MYO1E: variants seen among roughly 807,000 people sequenced by gnomAD.
MYO1E encodes the protein unconventional myosin-Ie.
MYO1E carries 68 observed loss-of-function variants against 151.1 expected under a neutral mutation model. That is an observed-to-expected ratio of 0.45 (90% CI 0.37 to 0.55). The LOEUF is 0.55. Ranked by LOEUF, MYO1E falls within the 20% of genes least tolerant of loss-of-function variation. MYO1E has a pLI of 0.00. For missense variants in MYO1E, 1,363 were observed against 1,389.3 expected (o/e 0.98, Z 0.30); for synonymous variants, 601 against 501.7 (o/e 1.20, Z -2.64).
chr15:59,363,487 G>A (rs1266938446), intron 1 of MYO1E, among the ~76,000 whole-genome samples: 1 of 152,180 alleles, frequency 6.6e-6, no homozygotes, highest in African/African-American at 2.4e-5. Context: ...TCAGGAGTAT[G>A]TGAAATAATG....
rs2079610905 is a variant in MYO1E at position 59,174,139 on chromosome 15, T to G, written c.2151A>C (p.Gln717His). Residue 717 changes from glutamine (Q) to histidine (H), a missense_variant, in exon 20 of 28, where the codon CAA becomes CAC. Gln to His is a conservative substitution (Grantham distance 24). Coordinates refer to ENST00000288235, the MANE Select transcript of MYO1E (RefSeq NM_004998.4). The part of the protein sequence containing the change: ...RKFVARKKYV[Q>H]MREEASDLLL... ...TTGCTAAAATACCTTCTTCTCTCATTTGAACGTATTTCTTCCGGGCCACGA... is the reference window on the plus strand; with the variant it reads ...TTGCTAAAATACCTTCTTCTCTCATGTGAACGTATTTCTTCCGGGCCACGA... 6.2e-7 allele frequency: 1 copy of G among 1,612,956 alleles called. No individual in the cohort carries two copies. Among genetic ancestry groups the G allele is most frequent in the African/African-American group, 1.3e-5 (1 of 75,044 alleles).
chr15:59,250,044 G>A lies in MYO1E; in HGVS notation c.332+6240C>T, dbSNP rs528822154. ...TGAGCATGAACCACGGCATGCCAGA[G>A]GTTTCCAATTTGCTTTCTCAAAGCA... On this transcript the variant is annotated intron_variant, in intron 4 of 27. Transcript: ENST00000288235. 2.6e-5 allele frequency among the ~76,000 whole-genome samples: 4 copies of A among 152,320 alleles called. No homozygotes were observed. In the East Asian group the frequency reaches 7.7e-4, roughly 29 times the overall value.
intron 1 of MYO1E, among the ~76,000 whole-genome samples, chr15:59,335,096 C>A (rs969065106): frequency 6.6e-6 from 1 of 152,114 alleles, no homozygotes; most frequent in Non-Finnish European, 1.5e-5. Context: ...TGGGTCAAAC[C>A]GTGAAAGAGA....
chr15:59,220,777 G>T (rs1158027159), intron 9 of MYO1E, among the ~76,000 whole-genome samples: 3 of 151,620 alleles, frequency 2.0e-5, no homozygotes, highest in African/African-American at 7.3e-5. Flanking sequence ...TGTAGCCAAT[G>T]AATGGAATGC....
chr15:59,164,254 CTATAATA>C (rs549513145), intron 22 of MYO1E, among the ~76,000 whole-genome samples: 141 of 152,288 alleles, frequency 9.3e-4, no homozygotes, highest in African/African-American at 3.3e-3. Flanking sequence ...ACCCCAAAGA[CTATAATA>C]TATAAGTTTA....
At position 59,208,153 on chromosome 15, in the gene MYO1E, T is replaced by G. The variant is rs376745688; in HGVS notation, c.1530+528A>C. ...TAGATACAGGATTATATAACGAAAT[T>G]TTGAATAAACTTGAATTCCTAAAAG... On this transcript the variant is annotated intron_variant, in intron 14 of 27. Transcript: ENST00000288235. 176 of 1,394,822 alleles carry G rather than the reference T, an allele frequency of 1.3e-4. 2 individuals carry two copies. The East Asian group carries it at 3.6e-3, about 29-fold the overall frequency. 86.4% of individuals were successfully genotyped at this position (1,394,822 alleles called of 1,614,324 possible).
intron 10 of MYO1E, among the ~76,000 whole-genome samples, chr15:59,215,229 CATT>C (rs1359824098): frequency 6.6e-6 from 1 of 152,130 alleles, no homozygotes; most frequent in Non-Finnish European, 1.5e-5. Context: ...TAACAATAGT[CATT>C]ATTTTTGAAT....
At chr15:59,212,422 A>G (rs915370481) in intron 12 of MYO1E, among the ~76,000 whole-genome samples, 1 of 152,120 alleles carries the variant, frequency 6.6e-6, no homozygotes, top group African/African-American at 2.4e-5. Context: ...AAACACTTCC[A>G]TAACTAAATG....
chr15:59,140,225 T>C (rs2140299223), intron 26 of MYO1E, among the ~76,000 whole-genome samples: 1 of 152,300 alleles, frequency 6.6e-6, no homozygotes, highest in Admixed American at 6.5e-5. Context: ...AATCCAGATC[T>C]TCTAGCTTTA....
intron 1 of MYO1E, among the ~76,000 whole-genome samples, chr15:59,344,366 A>C (rs1194747675): frequency 6.6e-6 from 1 of 152,182 alleles, no homozygotes; most frequent in Non-Finnish European, 1.5e-5. Context: ...ACTTTTTCCC[A>C]AACAGAGTTT....
chr15:59,234,245 G>GAT (rs1566987667), intron 5 of MYO1E, among the ~76,000 whole-genome samples: 15,605 of 144,140 alleles, frequency 0.11, 1,508 homozygotes, highest in African/African-American at 0.27. Flanking sequence ...TGGATGGATG[G>GAT]GTGCATGGAT....
intron 1 of MYO1E, among the ~76,000 whole-genome samples, chr15:59,316,910 C>T (rs555741731): frequency 1.3e-5 from 2 of 152,336 alleles, no homozygotes; most frequent in African/African-American, 4.8e-5. Flanking sequence ...GATACCACTC[C>T]TAAATGTAAA....
intron 4 of MYO1E, among the ~76,000 whole-genome samples, chr15:59,239,228 T>G (rs56387042): frequency 8.3e-5 from 12 of 144,856 alleles, no homozygotes; most frequent in Non-Finnish European, 1.2e-4. Context: ...ATATATATTT[T>G]TTTTATTTTT....
intron 5 of MYO1E, 107 bp from the exon 6 acceptor site, chr15:59,231,898 G>A: frequency 8.8e-7 from 1 of 1,130,744 alleles, no homozygotes; most frequent in Non-Finnish European, 1.3e-6. Flanking sequence ...AAGGTGAGGG[G>A]CCCCACACCC....
At chr15:59,157,397 C>A (rs1212677626) in intron 25 of MYO1E, among the ~76,000 whole-genome samples, 1 of 152,102 alleles carries the variant, frequency 6.6e-6, no homozygotes, top group Non-Finnish European at 1.5e-5. Context: ...AAAATAGTAG[C>A]CCCCTCCCCT....
At chr15:59,178,355 C>A (rs373355929) in intron 19 of MYO1E, 38 bp downstream of exon 19, 33 of 1,611,502 alleles carry the variant, frequency 2.0e-5, no homozygotes, top group Non-Finnish European at 2.8e-5. Context: ...GGGGGCCCCG[C>A]GGGAGGGAAG....
In MYO1E at chr15:59,176,106, T is replaced by C. The variant is rs1453645788; in HGVS notation, c.2050-1866A>G. 8.5e-5 allele frequency among the ~76,000 whole-genome samples: 13 copies of C among 152,264 alleles called. No homozygotes were observed. In the East Asian group the frequency reaches 2.3e-3, roughly 27 times the overall value. On this transcript the variant is annotated intron_variant, in intron 19 of 27. Coordinates refer to ENST00000288235, the MANE Select transcript of MYO1E (RefSeq NM_004998.4). Reference sequence around the variant, plus strand: ...CAGAGTCTTGCTCTGTCACCCAGGCTGGAGTGCAGTGGCGCGATCTCGGCC... The same window carrying C: ...CAGAGTCTTGCTCTGTCACCCAGGCCGGAGTGCAGTGGCGCGATCTCGGCC...
intron 5 of MYO1E, among the ~76,000 whole-genome samples, chr15:59,233,518 G>T (rs1200293507): frequency 6.6e-6 from 1 of 151,972 alleles, no homozygotes; most frequent in Non-Finnish European, 1.5e-5. Context: ...ACAAAAATTA[G>T]CTGGGCATAG....
chr15:59,138,444 G>T, intron 26 of MYO1E, 77 bp from the exon 27 acceptor site: 1 of 1,468,252 alleles, frequency 6.8e-7, no homozygotes, highest in Non-Finnish European at 9.5e-7. Context: ...GGAGCATGGC[G>T]GCCGGCACTG....
Sources: gnomAD v4.1 joint callset for allele counts (sites outside exome capture counted in the v4.1 genomes callset) on GRCh38, gnomAD v4.1.1 for gene constraint, MANE v1.5 for transcripts, NCBI Gene and HGNC (gene_info 2026-07-23, HGNC 2026-07-21) for gene names.